GAS6: variants seen among roughly 807,000 people sequenced by gnomAD.
GAS6 encodes growth arrest specific 6.
In GAS6, 41 loss-of-function variants were observed where a neutral mutation model predicts 75.8. That is an observed-to-expected ratio of 0.54 (90% CI 0.42 to 0.70). The LOEUF (loss-of-function observed/expected upper bound fraction) is 0.70. Among genes scored for constraint, GAS6 ranks in the 30% least tolerant of loss-of-function variants. GAS6 has a pLI of 0.00. For missense variants in GAS6, 854 were observed against 940.2 expected (o/e 0.91, Z 1.20); for synonymous variants, 432 against 412.6 (o/e 1.05, Z -0.57).
At chr13:113,854,875 C>G (rs575908976) in intron 2 of GAS6, among the ~76,000 whole-genome samples, 1 of 152,280 alleles carries the variant, frequency 6.6e-6, no homozygotes, top group East Asian at 1.9e-4. Flanking sequence ...CAGAAGGGAG[C>G]CTGGGAAAGT....
chr13:113,841,851 A>AGTTTCTTCCATACGCCC (rs2051784930), intron 4 of GAS6: 1 of 53,462 alleles, frequency 1.9e-5, no homozygotes, highest in Non-Finnish European at 3.0e-5. Context: ...CATACGCCCC[A>AGTTTCTTCCATACGCCC]CAGTTTCCTC....
chr13:113,859,496 CTG>C (rs2051952800), intron 2 of GAS6, among the ~76,000 whole-genome samples: 1 of 150,526 alleles, frequency 6.6e-6, no homozygotes, highest in Admixed American at 6.6e-5. Flanking sequence ...GTGTACATGT[CTG>C]TTAGTATGTG....
intron 5 of GAS6, 55 bp downstream of exon 5, chr13:113,839,673 C>A: frequency 6.3e-7 from 1 of 1,594,112 alleles, no homozygotes; most frequent in South Asian, 1.1e-5. Context: ...GAGCGGGGAT[C>A]AGGGCAGGGT....
intron 5 of GAS6, chr13:113,839,381 G>T (rs186244347): frequency 9.8e-5 from 23 of 234,944 alleles, no homozygotes; most frequent in African/African-American, 5.5e-4. Flanking sequence ...ACTCAAGGAC[G>T]GTCAGAGGTG....
chr13:113,839,582 C>T, intron 5 of GAS6, 146 bp downstream of exon 5: 2 of 1,025,074 alleles, frequency 2.0e-6, no homozygotes, highest in Non-Finnish European at 1.4e-6. Flanking sequence ...TCCTGGGGCT[C>T]CAGGATACCT....
rs759094282 is a variant in GAS6 at position 113,835,586 on chromosome 13, C to G, written c.639G>C (p.Lys213Asn). The G allele has an allele frequency of 6.2e-7, 1 of 1,612,504 alleles. No homozygotes were observed. Among genetic ancestry groups the G allele is most frequent in the Admixed American group, 1.7e-5 (1 of 60,016 alleles). ...DSEACGEARC[K>N]NLPGSYSCLC... ...GGCAGGAGTAGGAGCCGGGCAGGTTCTTGCAGCGCGCCTCCCCGCAGGCCT... is the reference window on the plus strand; with the variant it reads ...GGCAGGAGTAGGAGCCGGGCAGGTTGTTGCAGCGCGCCTCCCCGCAGGCCT... The change falls in exon 7 of 15, where the codon AAG (lysine) becomes AAC (asparagine). Residue 213 changes from lysine (K) to asparagine (N), a missense_variant. Lys to Asn is a moderately conservative substitution (Grantham distance 94). Coordinates refer to ENST00000327773, the MANE Select transcript of GAS6 (RefSeq NM_000820.4).
At chr13:113,822,299 T>C in intron 13 of GAS6, 113 bp from the exon 14 acceptor site, 1 of 794,200 alleles carries the variant, frequency 1.3e-6, no homozygotes, top group Non-Finnish European at 1.9e-6. Flanking sequence ...CCTGTCTCCG[T>C]CCAGGGTTCC....
intron 8 of GAS6, chr13:113,833,832 CAGTGTGACA>C (rs2051661941): frequency 9.8e-7 from 1 of 1,022,966 alleles, no homozygotes; most frequent in African/African-American, 1.8e-5. Context: ...TGTGACAGGT[CAGTGTGACA>C]GGTACTGTTG....
At chr13:113,858,507 CTA>C (rs1491142604) in intron 2 of GAS6, among the ~76,000 whole-genome samples, 3 of 143,376 alleles carry the variant, frequency 2.1e-5, no homozygotes. Context: ...CTGTGTGTGA[CTA>C]TGTACATCTA....
rs572528815 is a variant in GAS6 at position 113,839,674 on chromosome 13, A to G, written c.466+54T>C. On this transcript the variant is annotated intron_variant, in intron 5 of 14. Coordinates refer to ENST00000327773, the MANE Select transcript of GAS6 (RefSeq NM_000820.4). ...GGAGTGGGAGTGAGGAGCGGGGATC[A>G]GGGCAGGGTCGGAGATGGAGGGAGA... 384 of 1,594,490 alleles carry G rather than the reference A, an allele frequency of 2.4e-4. 13 individuals are homozygous for G. In the Admixed American group the frequency reaches 6.5e-3, roughly 27 times the overall value.
In GAS6 at chr13:113,845,901, CAT is replaced by C. The variant is rs1489850840; in HGVS notation, c.343+624_343+625del. Among the ~76,000 whole-genome samples, 2 of 152,234 alleles carry C rather than the reference CAT, an allele frequency of 1.3e-5. No individual in the cohort carries two copies. The highest frequency in any genetic ancestry group is 2.9e-5 in the Non-Finnish European group (2 of 68,052). ...TGGCAGTATCTGTATCCAAAGGAAACATGAGGACTGCCTCTGCGATTCCATCC... is the reference window on the plus strand; with the variant it reads ...TGGCAGTATCTGTATCCAAAGGAAACGAGGACTGCCTCTGCGATTCCATCC... On this transcript the variant is annotated intron_variant, in intron 4 of 14. Coordinates refer to ENST00000327773, the MANE Select transcript of GAS6 (RefSeq NM_000820.4). This position sits in a 1 kb window ranked among gnomAD's most constrained non-coding sequence, Gnocchi z 4.3.
intron 2 of GAS6, among the ~76,000 whole-genome samples, chr13:113,859,597 T>C (rs1032763912): frequency 9.9e-5 from 15 of 151,024 alleles, no homozygotes; most frequent in Admixed American, 8.6e-4. Flanking sequence ...TACATGTCTG[T>C]TAGTATGTGT....
intron 2 of GAS6, among the ~76,000 whole-genome samples, chr13:113,853,003 C>G (rs1162239309): frequency 1.3e-5 from 2 of 152,180 alleles, no homozygotes; most frequent in Non-Finnish European, 2.9e-5. Context: ...GACTCTTCCC[C>G]TAGGCCTGCT....
chr13:113,827,213 A>G, intron 11 of GAS6, 49 bp from the exon 12 acceptor site: 3 of 1,586,108 alleles, frequency 1.9e-6, no homozygotes, highest in Non-Finnish European at 2.6e-6. Context: ...GAGAAGCCCC[A>G]TGCCGGATGC....
chr13:113,834,818 T>TC lies in GAS6; in HGVS notation c.713-147dup, dbSNP rs113066253. The TC allele has an allele frequency of 7.6e-4, 616 of 810,084 alleles. 1 individual carries two copies. The highest frequency in any genetic ancestry group is 3.0e-3 in the East Asian group (94 of 31,226). The allele number at this position is 810,084 out of a possible 1,614,324, so 50.2% of individuals were successfully genotyped here. A position where few individuals can be genotyped will look rare whatever the true frequency, so the allele number is the denominator to read the frequency against. ...TAACGGGGGCGGCTTGGGGGTCGCGTCCCCCCCCACTGGAAAGCTAGGTTG... is the reference window on the plus strand; with the variant it reads ...TAACGGGGGCGGCTTGGGGGTCGCGTCCCCCCCCCACTGGAAAGCTAGGTTG... On this transcript the variant is annotated intron_variant, in intron 7 of 14. Transcript: ENST00000327773.
At chr13:113,822,465 CCCAGGCA>C (rs1205282838) in intron 13 of GAS6, 28 of 350,432 alleles carry the variant, frequency 8.0e-5, no homozygotes, top group Admixed American at 4.0e-4. Flanking sequence ...CAACCCCAGC[CCCAGGCA>C]CCAGGCACAC....
intron 2 of GAS6, among the ~76,000 whole-genome samples, chr13:113,861,271 C>T (rs1038522061): frequency 1.3e-5 from 2 of 152,164 alleles, no homozygotes; most frequent in African/African-American, 4.8e-5. Context: ...TGTTAACTAA[C>T]GGCGGCCAGG....
At chr13:113,825,458 C>T (rs1362314173) in intron 12 of GAS6, among the ~76,000 whole-genome samples, 1 of 152,098 alleles carries the variant, frequency 6.6e-6, no homozygotes, top group Non-Finnish European at 1.5e-5. Flanking sequence ...CCCAGCAAGT[C>T]TCCTCTGTCT....
chr13:113,835,882 G>T, intron 6 of GAS6: 6 of 1,314,884 alleles, frequency 4.6e-6, no homozygotes, highest in East Asian at 3.1e-5. Context: ...GGAGAGCTGG[G>T]AAGGGCCCTG....
Sources: allele counts gnomAD v4.1 joint callset (sites outside exome capture counted in the v4.1 genomes callset), GRCh38; gene constraint gnomAD v4.1.1; non-coding constraint Gnocchi (gnomAD v3.1); transcripts MANE v1.5; gene names NCBI Gene and HGNC (gene_info 2026-07-23, HGNC 2026-07-21).